Variants in PDGFC observed in about 807,000 individuals in gnomAD.
PDGFC encodes the protein platelet-derived growth factor C.
PDGFC carries 12 observed loss-of-function variants against 35.5 expected under a neutral mutation model. That is an observed-to-expected ratio of 0.34 (90% CI 0.22 to 0.55). The LOEUF is 0.55. PDGFC is among the 20% of genes least tolerant of loss of function. The pLI, the probability that PDGFC is intolerant of heterozygous loss-of-function variation, is 0.91. For missense variants in PDGFC, 322 were observed against 412.4 expected (o/e 0.78, Z 1.90); for synonymous variants, 159 against 148.8 (o/e 1.07, Z -0.50).
intron 1 of PDGFC, among the ~76,000 whole-genome samples, chr4:156,954,672 T>G (rs974206025): frequency 2.0e-5 from 3 of 152,032 alleles, no homozygotes; most frequent in African/African-American, 7.2e-5. Flanking sequence ...GCAGTCATCA[T>G]TATAATTTTG....
At chr4:156,769,150 C>A (rs1730624238) in intron 4 of PDGFC, among the ~76,000 whole-genome samples, 1 of 151,168 alleles carries the variant, frequency 6.6e-6, no homozygotes, top group African/African-American at 2.4e-5. Context: ...ATATAATAAA[C>A]CTACTTAAAT....
intron 2 of PDGFC, among the ~76,000 whole-genome samples, chr4:156,816,827 T>G (rs1475945911): frequency 1.3e-5 from 2 of 152,218 alleles, no homozygotes; most frequent in East Asian, 3.8e-4. Context: ...CTATTCAGAT[T>G]GGCCAAAAGG....
intron 3 of PDGFC, among the ~76,000 whole-genome samples, chr4:156,798,161 C>T (rs1731501117): frequency 6.6e-6 from 1 of 152,144 alleles, no homozygotes; most frequent in Non-Finnish European, 1.5e-5. Flanking sequence ...CACTGCACTC[C>T]AGCTTGGGCG....
intron 1 of PDGFC, among the ~76,000 whole-genome samples, chr4:156,927,231 G>C (rs1418274030): frequency 6.6e-6 from 1 of 152,038 alleles, no homozygotes; most frequent in Non-Finnish European, 1.5e-5. Context: ...TTTCCTCCTA[G>C]GTTTCCAGGT....
intron 3 of PDGFC, chr4:156,779,155 G>A: frequency 2.2e-6 from 1 of 456,142 alleles, no homozygotes; most frequent in Non-Finnish European, 4.4e-6. Context: ...ACTCACGGGA[G>A]GTTCTGTAAA....
At chr4:156,938,540 C>T (rs1020055027) in intron 1 of PDGFC, among the ~76,000 whole-genome samples, 1 of 151,860 alleles carries the variant, frequency 6.6e-6, no homozygotes, top group Non-Finnish European at 1.5e-5. Context: ...GTGTAAGAAC[C>T]ATGGCAATAA....
chr4:156,878,332 T>C (rs1364599486), intron 1 of PDGFC, among the ~76,000 whole-genome samples: 1 of 152,132 alleles, frequency 6.6e-6, no homozygotes, highest in Non-Finnish European at 1.5e-5. Context: ...TGCTTAGGAA[T>C]AAGGAAATGG....
chr4:156,766,310 T>A (rs1392323045), intron 5 of PDGFC, among the ~76,000 whole-genome samples: 1 of 152,174 alleles, frequency 6.6e-6, no homozygotes, highest in Non-Finnish European at 1.5e-5. Context: ...TTCTGAAAAT[T>A]CTTATGTGGA....
At chr4:156,874,989 A>G (rs926633288) in intron 1 of PDGFC, among the ~76,000 whole-genome samples, 2 of 152,174 alleles carry the variant, frequency 1.3e-5, no homozygotes, top group African/African-American at 4.8e-5. Context: ...AAGTGCTGGG[A>G]TTACAAGCAC....
intron 1 of PDGFC, among the ~76,000 whole-genome samples, chr4:156,879,358 C>T (rs1197282922): frequency 1.3e-5 from 2 of 152,208 alleles, no homozygotes; most frequent in Non-Finnish European, 2.9e-5. Flanking sequence ...CAATCCCAGA[C>T]TGCAAAGGCA....
chr4:156,774,193 C>T (rs114941733), intron 3 of PDGFC, among the ~76,000 whole-genome samples: 1,901 of 152,252 alleles, frequency 0.012, 19 homozygotes, highest in Non-Finnish European at 0.02. Context: ...CCTCTGCTCA[C>T]CTTCCACTCT....
chr4:156,939,999 T>A (rs1394506007), intron 1 of PDGFC, among the ~76,000 whole-genome samples: 3 of 152,126 alleles, frequency 2.0e-5, no homozygotes, highest in Non-Finnish European at 4.4e-5. Context: ...AGGAAAAAGC[T>A]GATTTTCTCA....
intron 1 of PDGFC, among the ~76,000 whole-genome samples, chr4:156,890,117 G>T (rs535796250): frequency 6.6e-6 from 1 of 152,118 alleles, no homozygotes; most frequent in African/African-American, 2.4e-5. Context: ...CACTGGTCTG[G>T]AACCTACATG....
At chr4:156,895,444 C>T (rs1579083664) in intron 1 of PDGFC, among the ~76,000 whole-genome samples, 1 of 151,926 alleles carries the variant, frequency 6.6e-6, no homozygotes, top group Admixed American at 6.6e-5. Flanking sequence ...ATCAGCCTGG[C>T]CAACATGGTA....
intron 5 of PDGFC, among the ~76,000 whole-genome samples, chr4:156,767,107 T>C (rs1478483110): frequency 1.3e-5 from 2 of 152,146 alleles, no homozygotes; most frequent in East Asian, 3.9e-4. Context: ...ATGATGCTGC[T>C]GGGGGAGGTG....
chr4:156,804,604 T>C (rs924667306), intron 3 of PDGFC, among the ~76,000 whole-genome samples: 4 of 152,012 alleles, frequency 2.6e-5, no homozygotes, highest in African/African-American at 9.7e-5. Context: ...TAGGTATTTT[T>C]TTCCTCCAAA....
intron 2 of PDGFC, among the ~76,000 whole-genome samples, chr4:156,817,044 C>T (rs564291031): frequency 6.6e-5 from 10 of 152,248 alleles, no homozygotes; most frequent in Admixed American, 2.6e-4. Flanking sequence ...ACAGGACTCA[C>T]AACACATGAA....
intron 1 of PDGFC, among the ~76,000 whole-genome samples, chr4:156,877,708 G>T (rs1186855721): frequency 6.6e-6 from 1 of 152,112 alleles, no homozygotes; most frequent in Non-Finnish European, 1.5e-5. Context: ...TAAATGTGCA[G>T]ACACTATGGT....
Position 156,822,227 on chromosome 4 carries a change from T to C in PDGFC, c.315-11210A>G, listed in dbSNP as rs867454204. 7.9e-4 allele frequency among the ~76,000 whole-genome samples: 119 copies of C among 151,564 alleles called. 1 individual carries two copies. The highest frequency in any genetic ancestry group is 7.2e-4 in the Admixed American group (11 of 15,220). ...ACAAAAAATTAGCCGGGCGTGGTGG[T>C]GGGCGCCTGTAGTCCCAGCTACCTG... On this transcript the variant is annotated intron_variant, in intron 2 of 5. Coordinates refer to ENST00000502773, the MANE Select transcript of PDGFC (RefSeq NM_016205.3).
Sources: gnomAD v4.1 joint callset for allele counts (sites outside exome capture counted in the v4.1 genomes callset) on GRCh38, gnomAD v4.1.1 for gene constraint, MANE v1.5 for transcripts, NCBI Gene and HGNC (gene_info 2026-07-23, HGNC 2026-07-21) for gene names.